The following RCAN1 variants were observed in gnomAD, a reference collection of about 807,000 sequenced individuals.
RCAN1 encodes calcipressin-1.
A neutral mutation model predicts 22.9 loss-of-function variants in RCAN1; 11 were observed. The observed-to-expected ratio is 0.48, with a 90% CI of 0.30 to 0.79. RCAN1 has a LOEUF of 0.79. RCAN1 is among the 30% of genes least tolerant of loss of function. RCAN1 has a pLI of 0.06. For missense variants in RCAN1, 291 were observed against 337.8 expected, an observed-to-expected ratio of 0.86 and a Z score of 1.09; for synonymous variants, 136 against 142.3, an observed-to-expected ratio of 0.96 and a Z score of 0.32.
At chr21:34,535,252 C>A (rs1057270983) in intron 1 of RCAN1, among the ~76,000 whole-genome samples, 2 of 152,124 alleles carry the variant, frequency 1.3e-5, no homozygotes, top group African/African-American at 4.8e-5. Context: ...GAAGAACATT[C>A]TTCTTGATAT....
intron 1 of RCAN1, among the ~76,000 whole-genome samples, chr21:34,599,961 T>C (rs1185795452): frequency 1.3e-5 from 2 of 152,120 alleles, no homozygotes; most frequent in African/African-American, 4.8e-5. Flanking sequence ...AGTCAGCTTG[T>C]AATGGCTGTG....
chr21:34,590,997 G>A lies in RCAN1; in HGVS notation c.252+23763C>T, dbSNP rs147030511. On this transcript the variant is annotated intron_variant, in intron 1 of 3. Coordinates refer to ENST00000313806, the MANE Select transcript of RCAN1 (RefSeq NM_004414.7). ...TATGGAATAAAAGCCCTTATGATCC[G>A]TGCACAGCGAGGCCTCTGTAGTGTT... Among the ~76,000 whole-genome samples, 675 of 152,266 alleles carry A rather than the reference G, an allele frequency of 4.4e-3. 3 individuals are homozygous for A. Among genetic ancestry groups the A allele is most frequent in the African/African-American group, 0.015 (639 of 41,540 alleles).
intron 1 of RCAN1, among the ~76,000 whole-genome samples, chr21:34,530,106 A>G (rs763834744): frequency 2.6e-5 from 4 of 152,200 alleles, no homozygotes; most frequent in Non-Finnish European, 2.9e-5. Flanking sequence ...ACGGACTAAT[A>G]TAGTCTCATT....
chr21:34,564,362 C>T (rs1986927890), intron 1 of RCAN1, among the ~76,000 whole-genome samples: 1 of 152,126 alleles, frequency 6.6e-6, no homozygotes, highest in Admixed American at 6.5e-5. Context: ...GAGAGGCAGG[C>T]AGGGGCCAGA....
intron 1 of RCAN1, among the ~76,000 whole-genome samples, chr21:34,601,360 A>G (rs1988333515): frequency 6.6e-6 from 1 of 152,198 alleles, no homozygotes; most frequent in African/African-American, 2.4e-5. Context: ...CACTTGATAA[A>G]CCAGGAGACC....
At chr21:34,538,023 T>A (rs1159053792) in intron 1 of RCAN1, among the ~76,000 whole-genome samples, 1 of 152,228 alleles carries the variant, frequency 6.6e-6, no homozygotes, top group Non-Finnish European at 1.5e-5. Flanking sequence ...CACAGTTGGT[T>A]TCTTTAGCAA....
intron 1 of RCAN1, among the ~76,000 whole-genome samples, chr21:34,545,371 G>C (rs1601159184): frequency 6.6e-6 from 1 of 152,238 alleles, no homozygotes; most frequent in Non-Finnish European, 1.5e-5. Flanking sequence ...CAGTGCCTGA[G>C]TGTGGGTGTC....
intron 1 of RCAN1, among the ~76,000 whole-genome samples, chr21:34,601,345 A>C (rs1417387315): frequency 6.6e-6 from 1 of 152,204 alleles, no homozygotes; most frequent in Non-Finnish European, 1.5e-5. Flanking sequence ...GAGCTTTTAT[A>C]ATCCCACTTG....
At chr21:34,557,673 T>G (rs1439444978) in intron 1 of RCAN1, among the ~76,000 whole-genome samples, 9 of 152,244 alleles carry the variant, frequency 5.9e-5, no homozygotes, top group African/African-American at 2.2e-4. Flanking sequence ...TCAACACAAC[T>G]TTCTCATTTA....
chr21:34,583,177 C>CTTTTT (rs1568922372), intron 1 of RCAN1, among the ~76,000 whole-genome samples: 2 of 107,034 alleles, frequency 1.9e-5, no homozygotes, highest in Admixed American at 1.1e-4. Flanking sequence ...GGCGATAGGG[C>CTTTTT]CTTTTTTTTT....
intron 1 of RCAN1, among the ~76,000 whole-genome samples, chr21:34,605,938 A>ATT (rs1988512049): frequency 6.6e-6 from 1 of 151,530 alleles, no homozygotes; most frequent in East Asian, 2.0e-4. Flanking sequence ...AAAAAAAAAA[A>ATT]AAGATGATGA....
At chr21:34,609,326 T>C (rs1234567790) in intron 1 of RCAN1, among the ~76,000 whole-genome samples, 2 of 152,202 alleles carry the variant, frequency 1.3e-5, no homozygotes, top group Non-Finnish European at 2.9e-5. Flanking sequence ...CTGAACTGTA[T>C]GTGAAATGAC....
chr21:34,590,282 TA>T (rs1005938999), intron 1 of RCAN1, among the ~76,000 whole-genome samples: 10 of 152,128 alleles, frequency 6.6e-5, no homozygotes. Flanking sequence ...TCTAATAAAC[TA>T]AAAAAATAGT....
At chr21:34,525,348 T>A (rs553378797) in intron 1 of RCAN1, 1 of 1,491,796 alleles carries the variant, frequency 6.7e-7, no homozygotes, top group African/African-American at 1.4e-5. Flanking sequence ...TTTCTGAGAC[T>A]TTCCCACGAG....
rs1988757283 is a variant in RCAN1, at chr21:34,614,234, A to G, written c.252+526T>C. The G allele has an allele frequency of 4.0e-6, 4 of 999,174 alleles. No homozygotes were observed. The South Asian group carries it at 1.9e-4, about 47-fold the overall frequency. 61.9% of individuals were successfully genotyped at this position (999,174 alleles called of 1,614,324 possible). A position where few individuals can be genotyped will look rare whatever the true frequency, so the allele number is the denominator to read the frequency against. On this transcript the variant is annotated intron_variant, in intron 1 of 3. Coordinates refer to ENST00000313806, the MANE Select transcript of RCAN1 (RefSeq NM_004414.7). The surrounding 1 kb of genome is among the most constrained non-coding windows in gnomAD (Gnocchi z 6.0). ...CCCTTCCCCCCAACACAATTCCACC[A>G]AAACTGGCCAGCCGCTGGCTAATGA...
intron 1 of RCAN1, among the ~76,000 whole-genome samples, chr21:34,606,207 A>T (rs1177695483): frequency 2.0e-5 from 3 of 152,198 alleles, no homozygotes. Context: ...ATGGCCAATC[A>T]CAAACAACCC....
At chr21:34,546,625 G>A (rs1325143100) in intron 1 of RCAN1, among the ~76,000 whole-genome samples, 1 of 152,182 alleles carries the variant, frequency 6.6e-6, no homozygotes, top group Non-Finnish European at 1.5e-5. Context: ...GACAGACACT[G>A]CATGCTCACA....
chr21:34,583,261 C>T (rs1987683820), intron 1 of RCAN1, among the ~76,000 whole-genome samples: 2 of 150,582 alleles, frequency 1.3e-5, no homozygotes, highest in Admixed American at 1.3e-4. Flanking sequence ...TCACTGCAAC[C>T]TCTGCCTCCT....
intron 1 of RCAN1, among the ~76,000 whole-genome samples, chr21:34,528,241 G>A (rs1985183389): frequency 6.6e-6 from 1 of 152,166 alleles, no homozygotes; most frequent in Non-Finnish European, 1.5e-5. Flanking sequence ...ATACATGCAA[G>A]AGGAAGAAAC....
Sources: gnomAD v4.1 joint callset for allele counts (sites outside exome capture counted in the v4.1 genomes callset) on GRCh38, gnomAD v4.1.1 for gene constraint, Gnocchi (gnomAD v3.1) non-coding constraint, MANE v1.5 for transcripts, NCBI Gene and HGNC (gene_info 2026-07-23, HGNC 2026-07-21) for gene names.